GRIA4: variants seen among roughly 807,000 people sequenced by gnomAD.
GRIA4 encodes the protein glutamate ionotropic receptor AMPA type subunit 4.
A neutral mutation model predicts 104.0 loss-of-function variants in GRIA4; 34 were observed. The ratio of observed to expected loss-of-function variants is 0.33; its 90% CI spans 0.25 to 0.44. The LOEUF is 0.44. GRIA4 is among the 20% of genes least tolerant of loss of function. The pLI is 1.00. For missense variants in GRIA4, 750 were observed against 1,096.5 expected (o/e 0.68, Z 4.46); for synonymous variants, 386 against 381.9 (o/e 1.01, Z -0.13).
Position 105,924,703 on chromosome 11 carries a change from G to A in GRIA4, c.1781G>A (p.Gly594Asp). Residue 594 changes from glycine to aspartate, a missense_variant, in exon 12 of 17, where the codon GGC becomes GAC. Coordinates refer to ENST00000282499, the MANE Select transcript of GRIA4 (RefSeq NM_000829.4). ...AGCGACCAGCCTCCCAATGAGTTTG[G>A]CATCTTTAACAGCCTCTGGTTTTCC... ...GPSDQPPNEF[G>D]IFNSLWFSLG... The A allele has an allele frequency of 6.2e-7, 1 of 1,612,514 alleles. No homozygotes were observed. Among genetic ancestry groups the A allele is most frequent in the Non-Finnish European group, 8.5e-7 (1 of 1,178,912 alleles).
At chr11:105,652,198 T>A (rs1388689537) in intron 3 of GRIA4, among the ~76,000 whole-genome samples, 1 of 152,074 alleles carries the variant, frequency 6.6e-6, no homozygotes, top group African/African-American at 2.4e-5. Flanking sequence ...CAATGAGTAA[T>A]AAGGATATAA....
chr11:105,611,972 A>G (rs1216375514), intron 2 of GRIA4, among the ~76,000 whole-genome samples: 1 of 152,066 alleles, frequency 6.6e-6, no homozygotes, highest in Non-Finnish European at 1.5e-5. Context: ...AGCTGCCCTG[A>G]GGTGGCTGAT....
chr11:105,616,406 C>T (rs1204669694), intron 3 of GRIA4, among the ~76,000 whole-genome samples: 2 of 151,516 alleles, frequency 1.3e-5, no homozygotes, highest in Non-Finnish European at 3.0e-5. Flanking sequence ...TTACAAAGTA[C>T]TTGTAAAAGT....
intron 3 of GRIA4, among the ~76,000 whole-genome samples, chr11:105,740,478 T>C (rs1423478087): frequency 1.3e-5 from 2 of 152,236 alleles, no homozygotes; most frequent in African/African-American, 4.8e-5. Context: ...TTGAACACTT[T>C]CCATGTGCCA....
intron 14 of GRIA4, among the ~76,000 whole-genome samples, chr11:105,959,354 T>C (rs1948676240): frequency 1.3e-5 from 2 of 152,172 alleles, no homozygotes; most frequent in Non-Finnish European, 1.5e-5. Flanking sequence ...AGTAAGGTAG[T>C]CTTCAAACTC....
intron 3 of GRIA4, among the ~76,000 whole-genome samples, chr11:105,726,301 C>G (rs762458448): frequency 6.6e-6 from 1 of 152,076 alleles, no homozygotes; most frequent in African/African-American, 2.4e-5. Flanking sequence ...TGGAGCCCAC[C>G]GCAGCACCTC....
intron 13 of GRIA4, among the ~76,000 whole-genome samples, chr11:105,932,518 C>T (rs2898230): frequency 0.09 from 13,605 of 151,784 alleles, 802 homozygotes; most frequent in Admixed American, 0.18. Context: ...TAAAAATGTG[C>T]GAATGAAAAA....
chr11:105,610,884 T>TTG, intron 1 of GRIA4, 24 bp from the exon 2 acceptor site: 1 of 474,796 alleles, frequency 2.1e-6, no homozygotes, highest in East Asian at 3.5e-5. Flanking sequence ...TTTTTTTTTT[T>TTG]TTTTTGGTTG....
At position 105,733,018 on chromosome 11, in the gene GRIA4, AT is replaced by A. The variant is rs546719182; in HGVS notation, c.248-19962del. ...TATACCACACTTAAACAGCCTCTTT[AT>A]GTTGTATCTCTTATATTATCTTCTT... On this transcript the variant is annotated intron_variant, in intron 3 of 16. Transcript: ENST00000282499. Among the ~76,000 whole-genome samples the A allele has an allele frequency of 2.2e-4, 34 of 152,276 alleles. 1 individual carries two copies. The highest frequency in any genetic ancestry group is 4.1e-4 in the South Asian group (2 of 4,824).
At chr11:105,895,482 T>C (rs1339155555) in intron 6 of GRIA4, among the ~76,000 whole-genome samples, 1 of 151,994 alleles carries the variant, frequency 6.6e-6, no homozygotes, top group Non-Finnish European at 1.5e-5. Flanking sequence ...AGATGGAAGA[T>C]AGATAAAAGA....
Position 105,854,596 on chromosome 11 carries a change from C to T in GRIA4, c.488-7428C>T, listed in dbSNP as rs1483045610. ...AGGAAATAAAAGACATGTAAAGAGG[C>T]ATTTGCAAACAAGAGGCTTGGGCCT... On this transcript the variant is annotated intron_variant, in intron 4 of 16. Coordinates refer to ENST00000282499, the MANE Select transcript of GRIA4 (RefSeq NM_000829.4). Among the ~76,000 whole-genome samples, 3 of 152,134 alleles carry T rather than the reference C, an allele frequency of 2.0e-5. No individual in the cohort carries two copies. The South Asian group carries it at 6.2e-4, about 32-fold the overall frequency.
intron 14 of GRIA4, among the ~76,000 whole-genome samples, chr11:105,946,819 A>G (rs1294376224): frequency 6.6e-6 from 1 of 152,126 alleles, no homozygotes; most frequent in Non-Finnish European, 1.5e-5. Context: ...AAGAAGAAGA[A>G]AATTTTAGGA....
intron 4 of GRIA4, among the ~76,000 whole-genome samples, chr11:105,805,331 A>G (rs1451760112): frequency 6.6e-6 from 1 of 151,772 alleles, no homozygotes; most frequent in Non-Finnish European, 1.5e-5. Context: ...GCGATCATCC[A>G]TAATCTAGTA....
intron 3 of GRIA4, among the ~76,000 whole-genome samples, chr11:105,742,455 T>G (rs950694992): frequency 5.9e-5 from 9 of 152,072 alleles, no homozygotes; most frequent in South Asian, 2.1e-4. Flanking sequence ...TAGTATCCCT[T>G]ATCTCTTCTG....
intron 14 of GRIA4, among the ~76,000 whole-genome samples, chr11:105,941,756 C>T (rs976144563): frequency 6.6e-6 from 1 of 152,030 alleles, no homozygotes; most frequent in Non-Finnish European, 1.5e-5. Context: ...GAGTATATAG[C>T]CCCCTTTCTG....
intron 3 of GRIA4, among the ~76,000 whole-genome samples, chr11:105,683,743 A>G (rs1952782386): frequency 6.6e-6 from 1 of 152,230 alleles, no homozygotes; most frequent in South Asian, 2.1e-4. Flanking sequence ...ATTCAGCATA[A>G]TTTTGAACAA....
intron 16 of GRIA4, among the ~76,000 whole-genome samples, chr11:105,977,858 T>G (rs1331362592): frequency 6.6e-6 from 1 of 152,066 alleles, no homozygotes; most frequent in East Asian, 1.9e-4. Context: ...ATTGCAGCCA[T>G]GTACACATTT....
chr11:105,973,430 G>T (rs1045068025), intron 15 of GRIA4, among the ~76,000 whole-genome samples: 3 of 151,876 alleles, frequency 2.0e-5, no homozygotes, highest in Admixed American at 6.6e-5. Flanking sequence ...AGGACTTAGG[G>T]ATTATTCTGG....
intron 4 of GRIA4, among the ~76,000 whole-genome samples, chr11:105,842,312 A>G (rs1406724423): frequency 6.6e-6 from 1 of 152,132 alleles, no homozygotes; most frequent in African/African-American, 2.4e-5. Flanking sequence ...CTATTGGAGG[A>G]TTTTGAGTAG....
Sources: gnomAD v4.1 joint callset for allele counts (sites outside exome capture counted in the v4.1 genomes callset) on GRCh38, gnomAD v4.1.1 for gene constraint, MANE v1.5 for transcripts, NCBI Gene and HGNC (gene_info 2026-07-23, HGNC 2026-07-21) for gene names.